PRKN: variants seen among roughly 807,000 people sequenced by gnomAD.
The protein encoded by PRKN is E3 ubiquitin-protein ligase parkin.
A neutral mutation model predicts 59.5 loss-of-function variants in PRKN; 56 were observed. The observed-to-expected ratio is 0.94, with a 90% CI of 0.76 to 1.18. PRKN has a LOEUF of 1.18. Among genes scored for constraint, PRKN ranks in the 50% most tolerant of loss-of-function variants. The pLI is 0.00. For synonymous variants in PRKN, 250 were observed against 222.1 expected, an observed-to-expected ratio of 1.13 and a Z score of -1.12; for missense variants, 657 against 596.4, an observed-to-expected ratio of 1.10 and a Z score of -1.06.
chr6:162,118,924 G>A (rs1780790330), intron 4 of PRKN, among the ~76,000 whole-genome samples: 1 of 152,100 alleles, frequency 6.6e-6, no homozygotes. Flanking sequence ...TAACTCATCT[G>A]GCCACATCCA....
intron 3 of PRKN, among the ~76,000 whole-genome samples, chr6:162,236,536 A>G (rs544485758): frequency 6.6e-6 from 1 of 152,166 alleles, no homozygotes; most frequent in South Asian, 2.1e-4. Flanking sequence ...CCTGTATCCT[A>G]GCACTTTGGG....
At chr6:161,964,054 G>A (rs375220065) in intron 6 of PRKN, among the ~76,000 whole-genome samples, 2 of 151,926 alleles carry the variant, frequency 1.3e-5, no homozygotes, top group African/African-American at 2.4e-5. Context: ...TCCACCTTCC[G>A]GCCTCACCAG....
rs185259655 is a variant in PRKN, at chr6:162,317,041, G to A, written c.172-54276C>T. 1.3e-4 allele frequency among the ~76,000 whole-genome samples: 20 copies of A among 151,730 alleles called. 1 individual carries two copies. In the East Asian group the frequency reaches 2.7e-3, roughly 21 times the overall value. ...CTGATTATTTGAGCATCTACTCAACGGGGAGAGTAGGCTTATTCACATATA... is the reference window on the plus strand; with the variant it reads ...CTGATTATTTGAGCATCTACTCAACAGGGAGAGTAGGCTTATTCACATATA... On this transcript the variant is annotated intron_variant, in intron 2 of 11. Transcript: ENST00000366898.
intron 3 of PRKN, among the ~76,000 whole-genome samples, chr6:162,210,921 T>G (rs996836371): frequency 6.6e-6 from 1 of 152,182 alleles, no homozygotes; most frequent in Non-Finnish European, 1.5e-5. Flanking sequence ...AAATTTAATA[T>G]GAATGGCAGA....
chr6:161,864,302 C>T (rs906831099), intron 6 of PRKN, among the ~76,000 whole-genome samples: 3 of 152,194 alleles, frequency 2.0e-5, no homozygotes, highest in Non-Finnish European at 2.9e-5. Flanking sequence ...AATGTTCACA[C>T]CATCTTCACC....
intron 6 of PRKN, among the ~76,000 whole-genome samples, chr6:161,895,807 T>C (rs139805285): frequency 6.6e-6 from 1 of 152,202 alleles, no homozygotes; most frequent in East Asian, 1.9e-4. Flanking sequence ...GAACAAACAA[T>C]TGAATGGACA....
chr6:161,795,784 A>G (rs1790821924), intron 6 of PRKN, among the ~76,000 whole-genome samples: 1 of 152,164 alleles, frequency 6.6e-6, no homozygotes, highest in Admixed American at 6.5e-5. Flanking sequence ...GAAGGAAAAT[A>G]CAAACTAAGG....
chr6:161,928,121 T>G (rs753678844), intron 6 of PRKN, among the ~76,000 whole-genome samples: 6 of 152,160 alleles, frequency 3.9e-5, no homozygotes, highest in Non-Finnish European at 7.4e-5. Flanking sequence ...TGTAAGGACA[T>G]AAGGAGAAAG....
intron 2 of PRKN, among the ~76,000 whole-genome samples, chr6:162,322,616 G>T (rs1357684878): frequency 6.6e-6 from 1 of 151,904 alleles, no homozygotes; most frequent in Non-Finnish European, 1.5e-5. Flanking sequence ...ACAAAATGAG[G>T]GTAAATTCAA....
At chr6:162,712,371 A>G (rs889568110) in intron 1 of PRKN, among the ~76,000 whole-genome samples, 5 of 152,190 alleles carry the variant, frequency 3.3e-5, no homozygotes, top group Middle Eastern at 3.2e-3. Flanking sequence ...ACCCCAGACA[A>G]AGAGCATAGG....
chr6:161,714,491 T>G (rs1214006434), intron 7 of PRKN, among the ~76,000 whole-genome samples: 2 of 152,212 alleles, frequency 1.3e-5, no homozygotes, highest in African/African-American at 2.4e-5. Flanking sequence ...CAGACACCAG[T>G]GCTGAAGTCT....
At chr6:162,440,246 C>G (rs1789989493) in intron 2 of PRKN, among the ~76,000 whole-genome samples, 1 of 152,172 alleles carries the variant, frequency 6.6e-6, no homozygotes, top group Non-Finnish European at 1.5e-5. Context: ...TGGATATGCT[C>G]TCCCAGAACT....
In PRKN at chr6:161,423,398, G is replaced by A. The variant is rs1788190522; in HGVS notation, c.1084-36521C>T. Among the ~76,000 whole-genome samples the A allele has an allele frequency of 6.6e-6, 1 of 152,186 alleles. No individual in the cohort carries two copies. Among genetic ancestry groups the A allele is most frequent in the African/African-American group, 2.4e-5 (1 of 41,436 alleles). On this transcript the variant is annotated intron_variant, in intron 9 of 11. Transcript: ENST00000366898. This position sits in a 1 kb window ranked among gnomAD's most constrained non-coding sequence, Gnocchi z 5.9. ...ATAATTCGGAGGTGAGTACTGCGAT[G>A]CAGTTACACGTCGTAACCACCTGAA...
intron 1 of PRKN, among the ~76,000 whole-genome samples, chr6:162,471,214 C>T (rs1378591771): frequency 9.2e-5 from 14 of 152,120 alleles, no homozygotes; most frequent in Non-Finnish European, 8.8e-5. Flanking sequence ...TCTCCTGCCT[C>T]AGCCTCCTGA....
At chr6:162,090,194 T>C (rs988197220) in intron 4 of PRKN, among the ~76,000 whole-genome samples, 5 of 152,102 alleles carry the variant, frequency 3.3e-5, no homozygotes, top group Non-Finnish European at 7.4e-5. Flanking sequence ...CAGATCATTA[T>C]AAGGAAGGAT....
intron 7 of PRKN, among the ~76,000 whole-genome samples, chr6:161,573,349 G>A (rs930753003): frequency 2.0e-5 from 3 of 151,906 alleles, no homozygotes; most frequent in Non-Finnish European, 4.4e-5. Context: ...TTTTTATTTG[G>A]GCCTTCTAGT....
chr6:162,618,287 G>A (rs760241587), intron 1 of PRKN, among the ~76,000 whole-genome samples: 6 of 152,088 alleles, frequency 3.9e-5, no homozygotes, highest in Non-Finnish European at 5.9e-5. Flanking sequence ...ATAATGGTGA[G>A]CTATCTGGCA....
At chr6:162,021,166 A>AT (rs1783161487) in intron 5 of PRKN, among the ~76,000 whole-genome samples, 1 of 49,396 alleles carries the variant, frequency 2.0e-5, no homozygotes, top group Non-Finnish European at 4.4e-5. Flanking sequence ...ATATATATAT[A>AT]AAATATATGT....
intron 9 of PRKN, among the ~76,000 whole-genome samples, chr6:161,541,754 G>C (rs568730932): frequency 5.9e-5 from 9 of 152,042 alleles, no homozygotes; most frequent in Non-Finnish European, 1.2e-4. Context: ...CTTGAAGGCG[G>C]AGGTGACAGT....
Sources: allele counts gnomAD v4.1 joint callset (sites outside exome capture counted in the v4.1 genomes callset), GRCh38; gene constraint gnomAD v4.1.1; non-coding constraint Gnocchi (gnomAD v3.1); transcripts MANE v1.5; gene names NCBI Gene and HGNC (gene_info 2026-07-23, HGNC 2026-07-21).